The following ADAM9 variants were observed in gnomAD, a reference collection of about 807,000 sequenced individuals.
ADAM9 encodes the protein disintegrin and metalloproteinase domain-containing protein 9.
In ADAM9, 54 loss-of-function variants were observed where a neutral mutation model predicts 108.1. The observed-to-expected ratio is 0.50, with a 90% CI of 0.40 to 0.63. ADAM9 has a LOEUF of 0.63. Among genes scored for constraint, ADAM9 ranks in the 20% least tolerant of loss-of-function variants. The pLI is 0.00. For missense variants in ADAM9, 830 were observed against 997.7 expected, an observed-to-expected ratio of 0.83 and a Z score of 2.26; for synonymous variants, 316 against 336.0, an observed-to-expected ratio of 0.94 and a Z score of 0.65.
Position 39,104,961 on chromosome 8 carries a change from CA to C in ADAM9, c.*1264del, listed in dbSNP as rs1317435142. 2.3e-6 allele frequency: 1 copy of C among 426,242 alleles called. No homozygotes were observed. Among genetic ancestry groups the C allele is most frequent in the African/African-American group, 2.1e-5 (1 of 48,132 alleles). 26.4% of individuals were successfully genotyped at this position (426,242 alleles called of 1,614,324 possible). ...TTTGGTTTGTGTATATATACATATA[CA>C]AATACAACATTTACAATAAATAAAA... On this transcript the variant is annotated 3_prime_UTR_variant, in exon 22 of 22. Transcript: ENST00000487273.
chr8:39,048,476 G>A (rs1400257879), intron 12 of ADAM9, among the ~76,000 whole-genome samples: 2 of 152,150 alleles, frequency 1.3e-5, no homozygotes, highest in Non-Finnish European at 2.9e-5. Flanking sequence ...AATTTCTGAA[G>A]ACCTGTTTTG....
chr8:39,026,405 A>G lies in ADAM9; in HGVS notation c.997-272A>G, dbSNP rs1387070626. 4.6e-5 allele frequency among the ~76,000 whole-genome samples: 7 copies of G among 152,244 alleles called. No homozygotes were observed. The East Asian group carries it at 1.2e-3, about 25-fold the overall frequency. ...CATTTTAGAGAATTAAATTAGAACC[A>G]TTAACTTGTTTTCCTATAAACTACC... is the stretch of plus-strand genomic sequence containing the variant. On this transcript the variant is annotated intron_variant, in intron 10 of 21. Coordinates refer to ENST00000487273, the MANE Select transcript of ADAM9 (RefSeq NM_003816.3).
rs150793575 is a variant in ADAM9 at position 39,045,344 on chromosome 8, A to G, written c.1302+3227A>G. 5.6e-3 allele frequency among the ~76,000 whole-genome samples: 685 copies of G among 122,818 alleles called. 85 individuals carry two copies. The highest frequency in any genetic ancestry group is 0.016 in the African/African-American group (483 of 30,586). The allele number at this position is 122,818 out of a possible 152,430, so 80.6% of individuals were successfully genotyped here. ...TATACATGTGTGTGTACACCTATAC[A>G]TGTGTGTACATACATATAGGTGTGT... On this transcript the variant is annotated intron_variant, in intron 12 of 21. Coordinates refer to ENST00000487273, the MANE Select transcript of ADAM9 (RefSeq NM_003816.3).
At chr8:39,095,788 ATATT>A (rs1299084404) in intron 20 of ADAM9, among the ~76,000 whole-genome samples, 3 of 152,166 alleles carry the variant, frequency 2.0e-5, no homozygotes, top group Non-Finnish European at 4.4e-5. Context: ...TTCGCTTTAT[ATATT>A]TAGGTGCTCT....
At chr8:39,069,006 C>T (rs1838588387) in intron 14 of ADAM9, among the ~76,000 whole-genome samples, 1 of 152,154 alleles carries the variant, frequency 6.6e-6, no homozygotes, top group Non-Finnish European at 1.5e-5. Flanking sequence ...AATTTTTCCT[C>T]TTTATTCCTG....
intron 18 of ADAM9, among the ~76,000 whole-genome samples, chr8:39,088,520 G>A (rs1179867129): frequency 6.6e-6 from 1 of 152,006 alleles, no homozygotes; most frequent in Non-Finnish European, 1.5e-5. Context: ...GCCTCCCAAA[G>A]CGCTGGGATT....
At chr8:39,038,190 AT>A (rs1837345535) in intron 11 of ADAM9, among the ~76,000 whole-genome samples, 1 of 152,182 alleles carries the variant, frequency 6.6e-6, no homozygotes, top group African/African-American at 2.4e-5. Context: ...CTATTAAAAC[AT>A]TAGTCAAATC....
chr8:39,050,666 CT>C (rs1837928085), intron 12 of ADAM9, among the ~76,000 whole-genome samples: 1 of 151,992 alleles, frequency 6.6e-6, no homozygotes, highest in South Asian at 2.1e-4. Flanking sequence ...GTTTGTTATA[CT>C]GCCTTTTCTA....
chr8:39,049,430 T>C (rs1395250808), intron 12 of ADAM9, among the ~76,000 whole-genome samples: 2 of 151,626 alleles, frequency 1.3e-5, no homozygotes, highest in Non-Finnish European at 2.9e-5. Flanking sequence ...TCTTCCAACA[T>C]ATTTTTTATA....
At chr8:39,087,430 T>G (rs1389455224) in intron 18 of ADAM9, among the ~76,000 whole-genome samples, 1 of 152,232 alleles carries the variant, frequency 6.6e-6, no homozygotes, top group African/African-American at 2.4e-5. Context: ...TGTGTATCAT[T>G]TCATCCAGTG....
At chr8:39,036,817 C>CT (rs1432984159) in intron 11 of ADAM9, among the ~76,000 whole-genome samples, 1 of 150,660 alleles carries the variant, frequency 6.6e-6, no homozygotes, top group Non-Finnish European at 1.5e-5. Flanking sequence ...CCACAAGTGT[C>CT]TATGATTTTG....
chr8:39,013,407 A>G (rs536102166), intron 3 of ADAM9, among the ~76,000 whole-genome samples: 4 of 151,814 alleles, frequency 2.6e-5, no homozygotes, highest in Non-Finnish European at 5.9e-5. Context: ...GCATTTTAAG[A>G]CCATTACAAA....
At position 39,104,531 on chromosome 8, in the gene ADAM9, T is replaced by C; in HGVS notation, c.*831T>C. The C allele has an allele frequency of 2.6e-6, 1 of 387,530 alleles. No individual in the cohort carries two copies. Among genetic ancestry groups the C allele is most frequent in the Non-Finnish European group, 5.0e-6 (1 of 200,668 alleles). The allele number at this position is 387,530 out of a possible 1,614,324, so 24.0% of individuals were successfully genotyped here. A position where few individuals can be genotyped will look rare whatever the true frequency, so the allele number is the denominator to read the frequency against. On this transcript the variant is annotated 3_prime_UTR_variant, in exon 22 of 22. Coordinates refer to ENST00000487273, the MANE Select transcript of ADAM9 (RefSeq NM_003816.3). ...CAAATATGTTGATTCATGGCTATAA[T>C]AAAGCAGGAGCAATTATAAAATCTT...
chr8:39,029,704 G>A (rs528765894), intron 11 of ADAM9, among the ~76,000 whole-genome samples: 1 of 152,248 alleles, frequency 6.6e-6, no homozygotes, highest in Admixed American at 6.5e-5. Context: ...GTGTTGAACC[G>A]TCCTTGTGTC....
chr8:39,015,989 A>G (rs903142664), intron 4 of ADAM9, 129 bp from the exon 5 acceptor site: 3 of 816,328 alleles, frequency 3.7e-6, no homozygotes, highest in South Asian at 1.5e-5. Flanking sequence ...TGAGATGCCA[A>G]TAATATAAAT....
At chr8:39,035,742 G>A (rs750484048) in intron 11 of ADAM9, among the ~76,000 whole-genome samples, 44 of 152,208 alleles carry the variant, frequency 2.9e-4, no homozygotes, top group Non-Finnish European at 5.1e-4. Flanking sequence ...GCATGAACCC[G>A]GGAGGCAGAG....
chr8:39,050,016 A>G (rs1447610020), intron 12 of ADAM9, among the ~76,000 whole-genome samples: 2 of 152,092 alleles, frequency 1.3e-5, no homozygotes, highest in Non-Finnish European at 2.9e-5. Flanking sequence ...TCATTTTTAA[A>G]GGATAGTTTT....
chr8:39,059,659 G>A (rs1838235198), intron 14 of ADAM9, among the ~76,000 whole-genome samples: 1 of 152,244 alleles, frequency 6.6e-6, no homozygotes, highest in Admixed American at 6.5e-5. Context: ...ATGGGCCATA[G>A]CCCATAAATT....
rs1837687159 is a variant in ADAM9 at position 39,045,365 on chromosome 8, T to TGTGTCTACACACACCTATATGTAC, written c.1302+3252_1302+3253insCTACACACACCTATATGTACGTGT. Among the ~76,000 whole-genome samples the TGTGTCTACACACACCTATATGTAC allele has an allele frequency of 1.3e-4, 14 of 108,376 alleles. 1 individual carries two copies. Among genetic ancestry groups the TGTGTCTACACACACCTATATGTAC allele is most frequent in the South Asian group, 1.2e-3 (4 of 3,224 alleles). 71.1% of individuals were successfully genotyped at this position (108,376 alleles called of 152,430 possible). Reference sequence around the variant, plus strand: ...ATACATGTGTGTACATACATATAGGTGTGTGTACATACACCTATAGGTGTG... The same window carrying TGTGTCTACACACACCTATATGTAC: ...ATACATGTGTGTACATACATATAGGTGTGTCTACACACACCTATATGTACGTGTGTACATACACCTATAGGTGTG... On this transcript the variant is annotated intron_variant, in intron 12 of 21. Transcript: ENST00000487273.
Sources: gnomAD v4.1 joint callset for allele counts (sites outside exome capture counted in the v4.1 genomes callset) on GRCh38, gnomAD v4.1.1 for gene constraint, MANE v1.5 for transcripts, NCBI Gene and HGNC (gene_info 2026-07-23, HGNC 2026-07-21) for gene names.